Variants in ABCA13 observed in about 807,000 individuals in gnomAD.
ABCA13 encodes the protein ATP binding cassette subfamily A member 13, also known as ATP-binding cassette sub-family A member 13.
Under a neutral mutation model 478.7 loss-of-function variants are expected in ABCA13, and 476 were observed. That is an observed-to-expected ratio of 0.99 (90% CI 0.92 to 1.07). The LOEUF (loss-of-function observed/expected upper bound fraction) is 1.07, where lower values mean the gene tolerates loss of function less well. ABCA13 is among the 50% of genes least tolerant of loss of function. ABCA13 has a pLI of 0.00. For synonymous variants in ABCA13, 2,252 were observed against 2,158.9 expected, an observed-to-expected ratio of 1.04 and a Z score of -1.20; for missense variants, 6,060 against 5,910.6, an observed-to-expected ratio of 1.03 and a Z score of -0.83.
intron 48 of ABCA13, among the ~76,000 whole-genome samples, chr7:48,504,549 G>A (rs909591199): frequency 2.0e-5 from 3 of 152,140 alleles, no homozygotes; most frequent in African/African-American, 4.8e-5. Flanking sequence ...GGGTGTGTGT[G>A]TGTATATTTA....
chr7:48,210,603 T>C (rs2128941545), intron 3 of ABCA13, among the ~76,000 whole-genome samples: 1 of 152,224 alleles, frequency 6.6e-6, no homozygotes, highest in East Asian at 1.9e-4. Flanking sequence ...GACCCAGTGG[T>C]AATTCAGGGG....
In ABCA13 at chr7:48,219,421, C is replaced by A. The variant is rs1269639240; in HGVS notation, c.355C>A (p.Gln119Lys). Residue 119 changes from glutamine to lysine, a missense_variant, in exon 4 of 62, where the codon CAA becomes AAA. Gln to Lys is a moderately conservative substitution (Grantham distance 53). Coordinates refer to ENST00000435803, the MANE Select transcript of ABCA13 (RefSeq NM_152701.5). ...VNNLAFLKEI[Q>K]DLAEEIHGMM... ...CAACCTGGCCTTTTTAAAAGAGATA[C>A]AAGACCTGGCAGAGGAAATTCATGG... The A allele has an allele frequency of 6.2e-7, 1 of 1,613,118 alleles. No individual in the cohort carries two copies. The highest frequency in any genetic ancestry group is 8.5e-7 in the Non-Finnish European group (1 of 1,179,584).
At chr7:48,633,714 T>TA (rs202096204) in intron 59 of ABCA13, among the ~76,000 whole-genome samples, 31,904 of 134,172 alleles carry the variant, frequency 0.24, 3,663 homozygotes, top group East Asian at 0.29. Context: ...CTTTCTCTAC[T>TA]AAAAAAAAAA....
rs1280312550 is a variant in ABCA13 at position 48,234,137 on chromosome 7, G to C, written c.883G>C (p.Ala295Pro). 1.2e-6 allele frequency: 2 copies of C among 1,613,934 alleles called. No individual in the cohort carries two copies. The highest frequency in any genetic ancestry group is 8.5e-7 in the Non-Finnish European group (1 of 1,179,838). ...LHTEQILNSS[A>P]ELKEIPTDTS... ...CACGGAACAGATCCTGAACTCTTCA[G>C]CTGAACTGAAGGAGGTACACATGCT... The change falls in exon 8 of 62, where the codon GCT becomes CCT. Residue 295 changes from alanine to proline, a missense_variant. By Grantham distance (27) the Ala-to-Pro change is conservative (BLOSUM62 -1). Coordinates refer to ENST00000435803, the MANE Select transcript of ABCA13 (RefSeq NM_152701.5).
At chr7:48,287,003 T>C (rs1797856604) in intron 19 of ABCA13, among the ~76,000 whole-genome samples, 1 of 152,204 alleles carries the variant, frequency 6.6e-6, no homozygotes, top group African/African-American at 2.4e-5. Flanking sequence ...TAAGAAAATT[T>C]GCCCGTGGCA....
intron 1 of ABCA13, among the ~76,000 whole-genome samples, chr7:48,173,156 G>A (rs532049141): frequency 8.5e-5 from 13 of 152,322 alleles, no homozygotes; most frequent in African/African-American, 3.1e-4. Flanking sequence ...ATCCTCATCA[G>A]AAGGTTTTAT....
At chr7:48,460,307 G>A (rs1445472439) in intron 43 of ABCA13, among the ~76,000 whole-genome samples, 1 of 152,160 alleles carries the variant, frequency 6.6e-6, no homozygotes, top group Admixed American at 6.5e-5. Context: ...CACTGTTCTG[G>A]AGGCCAGAAG....
Position 48,185,913 on chromosome 7 carries a change from A to G in ABCA13, c.70-7046A>G, listed in dbSNP as rs1004019659. Among the ~76,000 whole-genome samples, 5 of 151,914 alleles carry G rather than the reference A, an allele frequency of 3.3e-5. No homozygotes were observed. The East Asian group carries it at 9.6e-4, about 29-fold the overall frequency. ...TCATAATATTATTATACTTTTTGGT[A>G]TCAATCTTTTTGTTATGTATTAATC... On this transcript the variant is annotated intron_variant, in intron 1 of 61. Coordinates refer to ENST00000435803, the MANE Select transcript of ABCA13 (RefSeq NM_152701.5).
chr7:48,303,689 G>A (rs1169956268), intron 23 of ABCA13, among the ~76,000 whole-genome samples: 1 of 152,028 alleles, frequency 6.6e-6, no homozygotes. Context: ...TAGTTCCATA[G>A]GTCTATGTGT....
chr7:48,574,751 A>G (rs1788004481), intron 55 of ABCA13, among the ~76,000 whole-genome samples: 1 of 152,078 alleles, frequency 6.6e-6, no homozygotes, highest in African/African-American at 2.4e-5. Flanking sequence ...TCCTCATTTT[A>G]TATGTGTGAC....
At chr7:48,373,025 G>A (rs1812903486) in intron 33 of ABCA13, among the ~76,000 whole-genome samples, 1 of 152,152 alleles carries the variant, frequency 6.6e-6, no homozygotes, top group African/African-American at 2.4e-5. Context: ...GGCAATTGCT[G>A]GCAAGCGCAG....
chr7:48,463,113 TTTTTGTTTTG>T (rs994401802), intron 43 of ABCA13, among the ~76,000 whole-genome samples: 1 of 152,150 alleles, frequency 6.6e-6, no homozygotes, highest in African/African-American at 2.4e-5. Context: ...CTTCTCTGTT[TTTTTGTTTTG>T]TTTTGTTTTG....
chr7:48,339,555 A>G (rs1000620490), intron 29 of ABCA13, among the ~76,000 whole-genome samples: 1 of 152,162 alleles, frequency 6.6e-6, no homozygotes, highest in Non-Finnish European at 1.5e-5. Flanking sequence ...CCTGAGCCAC[A>G]TTTGTTCAAC....
chr7:48,285,492 C>T (rs1450752921), intron 19 of ABCA13, among the ~76,000 whole-genome samples: 1 of 152,190 alleles, frequency 6.6e-6, no homozygotes, highest in African/African-American at 2.4e-5. Context: ...GGCTTCAAGA[C>T]GTGTTAGATG....
rs557053131 is a variant in ABCA13, at chr7:48,296,464, C to CTT, written c.9119+613_9119+614dup. Reference sequence around the variant, plus strand: ...AGCAAATATTTTTCTTTTCTTTTCTCTTTTTTTTTTTTTGAGATGGAGTCT... The same window carrying CTT: ...AGCAAATATTTTTCTTTTCTTTTCTCTTTTTTTTTTTTTTTGAGATGGAGTCT... On this transcript the variant is annotated intron_variant, in intron 21 of 61. Coordinates refer to ENST00000435803, the MANE Select transcript of ABCA13 (RefSeq NM_152701.5). 7.4e-3 allele frequency among the ~76,000 whole-genome samples: 1,066 copies of CTT among 143,538 alleles called. 9 individuals are homozygous for CTT. The highest frequency in any genetic ancestry group is 0.025 in the African/African-American group (998 of 39,164). The allele number at this position is 143,538 out of a possible 152,430, so 94.2% of individuals were successfully genotyped here.
At chr7:48,203,117 T>G (rs1177501818) in intron 3 of ABCA13, among the ~76,000 whole-genome samples, 5 of 152,190 alleles carry the variant, frequency 3.3e-5, no homozygotes, top group African/African-American at 1.2e-4. Flanking sequence ...CCGGCACTGC[T>G]GGGGAACCCA....
chr7:48,637,998 C>A (rs927035881), intron 59 of ABCA13, among the ~76,000 whole-genome samples: 2 of 152,132 alleles, frequency 1.3e-5, no homozygotes, highest in African/African-American at 4.8e-5. Flanking sequence ...GCACCATACA[C>A]CTGCATGTAC....
chr7:48,320,203 A>G (rs1174593805), intron 27 of ABCA13, among the ~76,000 whole-genome samples: 1 of 152,192 alleles, frequency 6.6e-6, no homozygotes, highest in Non-Finnish European at 1.5e-5. Flanking sequence ...CTATGTTGGG[A>G]TGTGGGATGT....
At chr7:48,375,864 G>T (rs934547047) in intron 34 of ABCA13, among the ~76,000 whole-genome samples, 1 of 152,032 alleles carries the variant, frequency 6.6e-6, no homozygotes, top group Non-Finnish European at 1.5e-5. Context: ...GAATATTTTG[G>T]TCTAAATTCC....
Sources: gnomAD v4.1 joint callset for allele counts (sites outside exome capture counted in the v4.1 genomes callset) on GRCh38, gnomAD v4.1.1 for gene constraint, MANE v1.5 for transcripts, NCBI Gene and HGNC (gene_info 2026-07-23, HGNC 2026-07-21) for gene names.